The following MKRN2OS variants were observed in gnomAD, a reference collection of about 807,000 sequenced individuals.
MKRN2OS encodes the protein MKRN2 opposite strand protein.
In MKRN2OS, 17 loss-of-function variants were observed where a neutral mutation model predicts 18.2. That is an observed-to-expected ratio of 0.93 (90% CI 0.64 to 1.40). The LOEUF (loss-of-function observed/expected upper bound fraction) is 1.40. Among genes scored for constraint, MKRN2OS ranks in the 40% most tolerant of loss-of-function variants. The pLI is 0.00. For synonymous variants in MKRN2OS, 121 were observed against 108.5 expected (o/e 1.12, Z -0.72); for missense variants, 337 against 283.0 (o/e 1.19, Z -1.37).
At chr3:12,543,781 A>G (rs2125290266) in intron 1 of MKRN2OS, among the ~76,000 whole-genome samples, 2 of 151,166 alleles carry the variant, frequency 1.3e-5, no homozygotes, top group Middle Eastern at 6.8e-3. Context: ...AATCCCAGCT[A>G]CTCGGATGAC....
intron 1 of MKRN2OS, among the ~76,000 whole-genome samples, chr3:12,555,911 C>T (rs1381408015): frequency 6.6e-6 from 1 of 152,226 alleles, no homozygotes. Flanking sequence ...ACTGCTTGAA[C>T]TATGATGGCG....
intron 1 of MKRN2OS, among the ~76,000 whole-genome samples, chr3:12,554,586 A>G (rs12489164): frequency 0.015 from 2,217 of 152,142 alleles, 34 homozygotes; most frequent in Admixed American, 0.043. Context: ...TTATTTGCAC[A>G]GACACCCTAA....
intron 1 of MKRN2OS, 73 bp from the exon 2 acceptor site, chr3:12,543,302 G>T: frequency 7.7e-7 from 1 of 1,298,256 alleles, no homozygotes. Context: ...TAAAGTAGGA[G>T]GATGCCGAGC....
downstream of MKRN2OS, among the ~76,000 whole-genome samples, chr3:12,551,900 C>T (rs796729314): frequency 6.6e-6 from 1 of 151,870 alleles, no homozygotes; most frequent in South Asian, 2.1e-4. Flanking sequence ...TGAGATCACA[C>T]CATTGCACTC....
chr3:12,547,369 C>T (rs2057894375), upstream of MKRN2OS, among the ~76,000 whole-genome samples: 3 of 151,822 alleles, frequency 2.0e-5, no homozygotes, highest in South Asian at 6.2e-4. Context: ...CATGACAAGA[C>T]TTCATCTCTA....
intron 1 of MKRN2OS, among the ~76,000 whole-genome samples, chr3:12,560,285 C>G (rs2058025315): frequency 6.6e-6 from 1 of 151,986 alleles, no homozygotes; most frequent in Non-Finnish European, 1.5e-5. Context: ...CTTGCTTAAG[C>G]TCACATAGCA....
chr3:12,551,077 C>A (rs569571570), downstream of MKRN2OS, among the ~76,000 whole-genome samples: 210 of 152,146 alleles, frequency 1.4e-3, 1 homozygote, highest in African/African-American at 4.9e-3. Context: ...CCCCTGTCTC[C>A]TTTGGACTTG....
At chr3:12,550,770 G>A (rs1483489292), downstream of MKRN2OS, among the ~76,000 whole-genome samples, 1 of 152,122 alleles carries the variant, frequency 6.6e-6, no homozygotes, top group Non-Finnish European at 1.5e-5. Flanking sequence ...AGGCCGGTAC[G>A]GATTCACTGC....
chr3:12,546,469 G>A (rs953046486), upstream of MKRN2OS, among the ~76,000 whole-genome samples: 15 of 149,848 alleles, frequency 1.0e-4, no homozygotes, highest in African/African-American at 3.7e-4. Flanking sequence ...ATCAAGCTGT[G>A]CATTTTATTA....
intron 3 of MKRN2OS, among the ~76,000 whole-genome samples, chr3:12,541,021 T>C (rs565032028): frequency 5.9e-5 from 9 of 151,952 alleles, no homozygotes; most frequent in East Asian, 3.9e-4. Flanking sequence ...GGGGAACTTA[T>C]TGAACTTCTA....
At chr3:12,541,112 T>C (rs1469969297) in intron 3 of MKRN2OS, among the ~76,000 whole-genome samples, 1 of 152,010 alleles carries the variant, frequency 6.6e-6, no homozygotes, top group African/African-American at 2.4e-5. Context: ...CTCCAAATAA[T>C]TTAAATCCAC....
At chr3:12,543,460 A>G (rs1470404981) in intron 1 of MKRN2OS, among the ~76,000 whole-genome samples, 1 of 152,004 alleles carries the variant, frequency 6.6e-6, no homozygotes, top group African/African-American at 2.4e-5. Flanking sequence ...GTTAGTGTGC[A>G]TCTGTGATCC....
At chr3:12,560,311 G>C (rs2058025492) in intron 1 of MKRN2OS, among the ~76,000 whole-genome samples, 2 of 152,172 alleles carry the variant, frequency 1.3e-5, no homozygotes, top group Middle Eastern at 3.4e-3. Context: ...TCTGACTTCA[G>C]TGTCTTCACC....
chr3:12,544,141 A>G (rs1390331425), intron 1 of MKRN2OS, among the ~76,000 whole-genome samples: 1 of 152,186 alleles, frequency 6.6e-6, no homozygotes, highest in Non-Finnish European at 1.5e-5. Context: ...CCAGAAGGAA[A>G]TTAAGGAAGT....
At position 12,554,464 on chromosome 3, in the gene MKRN2OS, C is replaced by T. The variant is rs530862553; in HGVS notation, n.265-330G>A. On this transcript the variant is annotated intron_variant and non_coding_transcript_variant, in intron 1 of 1. Transcript: ENST00000447550. ...TTGATCCAGTGTTGTATTATTTTTT[C>T]ATAAATATATATGAAATATATGAAA... Among the ~76,000 whole-genome samples, 624 of 148,536 alleles carry T rather than the reference C, an allele frequency of 4.2e-3. 1 individual carries two copies. The highest frequency in any genetic ancestry group is 6.7e-3 in the Non-Finnish European group (450 of 67,074).
intron 3 of MKRN2OS, among the ~76,000 whole-genome samples, chr3:12,540,702 C>T (rs1029772119): frequency 2.0e-4 from 30 of 151,840 alleles, no homozygotes; most frequent in African/African-American, 6.5e-4. Flanking sequence ...GGTGAAACCC[C>T]GTCCCTACAA....
At chr3:12,560,720 T>C (rs2125299480) in intron 1 of MKRN2OS, 1 of 152,322 alleles carries the variant, frequency 6.6e-6, no homozygotes, top group Non-Finnish European at 1.5e-5. Flanking sequence ...TTACCCAGGG[T>C]AACACCCCTT....
chr3:12,557,537 G>T (rs2057988945), intron 1 of MKRN2OS, among the ~76,000 whole-genome samples: 1 of 152,248 alleles, frequency 6.6e-6, no homozygotes, highest in South Asian at 2.1e-4. Flanking sequence ...TTGAGTAAAG[G>T]GACGCCGAGA....
intron 1 of MKRN2OS, among the ~76,000 whole-genome samples, chr3:12,557,346 G>A (rs1036985348): frequency 1.3e-5 from 2 of 152,246 alleles, no homozygotes; most frequent in Non-Finnish European, 2.9e-5. Flanking sequence ...GCCACAGCCG[G>A]GGATCCGGGG....
Sources: gnomAD v4.1 joint callset for allele counts (sites outside exome capture counted in the v4.1 genomes callset) on GRCh38, gnomAD v4.1.1 for gene constraint, MANE v1.5 for transcripts, NCBI Gene and HGNC (gene_info 2026-07-23, HGNC 2026-07-21) for gene names.